Variants in CNBD2 observed in about 807,000 individuals in gnomAD.
CNBD2 encodes the protein cyclic nucleotide-binding domain-containing protein 2.
Under a neutral mutation model 63.7 loss-of-function variants are expected in CNBD2, and 64 were observed. That is an observed-to-expected ratio of 1.00 (90% CI 0.82 to 1.24). CNBD2 has a LOEUF of 1.24. Among genes scored for constraint, CNBD2 ranks in the 50% most tolerant of loss-of-function variants. CNBD2 has a pLI of 0.00. For synonymous variants in CNBD2, 229 were observed against 255.4 expected, an observed-to-expected ratio of 0.90 and a Z score of 0.99; for missense variants, 691 against 713.5, an observed-to-expected ratio of 0.97 and a Z score of 0.36.
intron 7 of CNBD2, among the ~76,000 whole-genome samples, chr20:35,990,934 G>A (rs943109046): frequency 6.6e-6 from 1 of 152,042 alleles, no homozygotes; most frequent in Non-Finnish European, 1.5e-5. Flanking sequence ...CTGGGTGACA[G>A]AGTCTCAAAA....
chr20:36,011,010 T>C, intron 9 of CNBD2, 127 bp from the exon 10 acceptor site: 1 of 1,014,128 alleles, frequency 9.9e-7, no homozygotes, highest in Non-Finnish European at 1.3e-6. Flanking sequence ...TTTCTCGCCT[T>C]CTGGGAAGTT....
At chr20:35,957,765 A>G (rs1435451823), downstream of CNBD2, 1 of 152,246 alleles carries the variant, frequency 6.6e-6, no homozygotes, top group African/African-American at 2.4e-5. Context: ...GGTCCAAAAT[A>G]AGAAAGCTAG....
chr20:36,007,310 G>A (rs561157610), intron 8 of CNBD2, among the ~76,000 whole-genome samples: 2 of 151,772 alleles, frequency 1.3e-5, no homozygotes, highest in East Asian at 3.9e-4. Flanking sequence ...TATTTCCTTC[G>A]AGTTTTTTTA....
At chr20:36,002,224 G>T (rs934695316) in intron 8 of CNBD2, among the ~76,000 whole-genome samples, 1 of 151,304 alleles carries the variant, frequency 6.6e-6, no homozygotes, top group Non-Finnish European at 1.5e-5. Context: ...GCGAAACCCC[G>T]TCTCCACCAA....
intron 2 of CNBD2, chr20:35,974,595 T>G (rs1469253098): frequency 6.5e-6 from 1 of 153,586 alleles, no homozygotes; most frequent in Non-Finnish European, 1.5e-5. Context: ...AGCCCTAGAC[T>G]GCTTCAGTAG....
intron 10 of CNBD2, among the ~76,000 whole-genome samples, chr20:36,021,264 A>T (rs1292514612): frequency 6.6e-6 from 1 of 152,182 alleles, no homozygotes; most frequent in Non-Finnish European, 1.5e-5. Context: ...AGCAGCGTGG[A>T]TGGCACTGGA....
intron 9 of CNBD2, among the ~76,000 whole-genome samples, chr20:36,010,346 G>A (rs1333040644): frequency 6.6e-6 from 1 of 151,036 alleles, no homozygotes; most frequent in Non-Finnish European, 1.5e-5. Flanking sequence ...TGTGACTTTT[G>A]AGACGTTATG....
At chr20:35,976,434 A>G (rs554797403) in intron 3 of CNBD2, among the ~76,000 whole-genome samples, 2 of 152,276 alleles carry the variant, frequency 1.3e-5, no homozygotes, top group South Asian at 4.1e-4. Flanking sequence ...CCTGGGTGTC[A>G]GATACCCTTA....
intron 1 of CNBD2, among the ~76,000 whole-genome samples, chr20:35,969,230 T>C (rs1014836750): frequency 6.6e-6 from 1 of 152,210 alleles, no homozygotes. Context: ...TTCTCCTCTG[T>C]AAAGTGAGAT....
chr20:36,022,325 A>G (rs980948548), intron 10 of CNBD2, among the ~76,000 whole-genome samples: 1 of 148,702 alleles, frequency 6.7e-6, no homozygotes, highest in African/African-American at 2.5e-5. Context: ...TAGCCTCCCA[A>G]GTAGCCGGAA....
intron 4 of CNBD2, 54 bp downstream of exon 4, chr20:35,980,676 G>A: frequency 1.3e-6 from 2 of 1,561,894 alleles, no homozygotes; most frequent in Non-Finnish European, 8.7e-7. Flanking sequence ...CTGAGCAAAA[G>A]AGCCTGGCTG....
intron 8 of CNBD2, among the ~76,000 whole-genome samples, chr20:35,998,900 AT>A (rs2056861947): frequency 6.7e-6 from 1 of 149,092 alleles, no homozygotes; most frequent in African/African-American, 2.5e-5. Context: ...AAAAAAAAAA[AT>A]TCTTAATAGA....
At chr20:36,023,939 T>C (rs2147372364) in intron 11 of CNBD2, among the ~76,000 whole-genome samples, 168 bp downstream of exon 11, 1 of 152,318 alleles carries the variant, frequency 6.6e-6, no homozygotes, top group Admixed American at 6.5e-5. Flanking sequence ...ATAATAATTT[T>C]AGCATTACAT....
At chr20:35,970,778 C>T (rs1354447349) in intron 1 of CNBD2, among the ~76,000 whole-genome samples, 2 of 151,600 alleles carry the variant, frequency 1.3e-5, no homozygotes, top group African/African-American at 2.4e-5. Flanking sequence ...TGCAGTGGCA[C>T]GATCATAGCT....
intron 11 of CNBD2, among the ~76,000 whole-genome samples, chr20:36,029,052 C>A (rs963210191): frequency 1.3e-5 from 2 of 152,060 alleles, no homozygotes; most frequent in Admixed American, 1.3e-4. Flanking sequence ...AACTGAGACC[C>A]CTGTGTGAAG....
intron 7 of CNBD2, among the ~76,000 whole-genome samples, chr20:35,991,707 C>T (rs1486221378): frequency 6.6e-6 from 1 of 152,072 alleles, no homozygotes; most frequent in Non-Finnish European, 1.5e-5. Context: ...ATCTGTTTTG[C>T]CTCCATTGCT....
chr20:35,966,193 T>C (rs544355871), upstream of CNBD2, among the ~76,000 whole-genome samples: 17 of 152,328 alleles, frequency 1.1e-4, no homozygotes, highest in South Asian at 3.3e-3. Flanking sequence ...ACCTCATCTC[T>C]CTGTCTCTCT....
In CNBD2 at chr20:36,023,786, T is replaced by C. The variant is rs764811328; in HGVS notation, c.1439+15T>C. ...GCATTCCCCAGGTCAGTACTGGAAA[T>C]GTGCGTAAGTCCCATCAGGTGAAAT... On this transcript the variant is annotated intron_variant, in intron 11 of 11. Transcript: ENST00000373973. 6.3e-7 allele frequency: 1 copy of C among 1,584,744 alleles called. No homozygotes were observed. The highest frequency in any genetic ancestry group is 8.6e-7 in the Non-Finnish European group (1 of 1,166,572).
intron 7 of CNBD2, among the ~76,000 whole-genome samples, chr20:35,987,818 T>C (rs1396801408): frequency 6.6e-6 from 1 of 152,228 alleles, no homozygotes; most frequent in East Asian, 1.9e-4. Context: ...AATTATGCAT[T>C]TGGCTGTTGA....
Sources: allele counts gnomAD v4.1 joint callset (sites outside exome capture counted in the v4.1 genomes callset), GRCh38; gene constraint gnomAD v4.1.1; transcripts MANE v1.5; gene names NCBI Gene and HGNC (gene_info 2026-07-23, HGNC 2026-07-21).